Variants in VPS35 observed in about 807,000 individuals in gnomAD.
VPS35 encodes vacuolar protein sorting-associated protein 35.
A neutral mutation model predicts 98.1 loss-of-function variants in VPS35; 21 were observed. That is an observed-to-expected ratio of 0.21 (90% CI 0.15 to 0.31). VPS35 has a LOEUF of 0.31. Among genes scored for constraint, VPS35 ranks in the 10% least tolerant of loss-of-function variants. The probability of loss-of-function intolerance (pLI) is 1.00; values close to 1 mark genes in which losing one functional copy is unlikely to be tolerated. For missense variants in VPS35, 554 were observed against 950.8 expected (o/e 0.58, Z 5.49); for synonymous variants, 268 against 318.2 (o/e 0.84, Z 1.68).
chr16:46,672,436 G>A lies in VPS35; in HGVS notation c.1197C>T (p.Thr399=). 1 of 1,612,962 alleles carries A rather than the reference G, an allele frequency of 6.2e-7. No homozygotes were observed. Among genetic ancestry groups the A allele is most frequent in the South Asian group, 1.1e-5 (1 of 91,016 alleles). ...TGTCAACTGGTATTTTCAAAAGTCT[G>A]GTGAGTTCCTTTGAAACTGCACTAC... The part of the protein sequence containing the change: ...ATSSAVSKEL[T]RLLKIPVDTY... Residue 399 remains threonine (T), a synonymous_variant, in exon 11 of 17, where the codon ACC becomes ACT. Transcript: ENST00000299138.
At chr16:46,689,071 GGA>G in intron 1 of VPS35, 58 bp downstream of exon 1, 1 of 1,590,392 alleles carries the variant, frequency 6.3e-7, no homozygotes, top group South Asian at 1.1e-5. Flanking sequence ...CGGGGCGGTG[GGA>G]GAGAGCAGGG....
At chr16:46,687,301 A>G (rs983485929) in intron 1 of VPS35, among the ~76,000 whole-genome samples, 1 of 152,228 alleles carries the variant, frequency 6.6e-6, no homozygotes, top group African/African-American at 2.4e-5. Flanking sequence ...TGAAGTAGAG[A>G]GAAATAAGGA....
chr16:46,666,955 C>T (rs1442409382), intron 13 of VPS35, among the ~76,000 whole-genome samples: 1 of 152,172 alleles, frequency 6.6e-6, no homozygotes, highest in Non-Finnish European at 1.5e-5. Flanking sequence ...CTTTGAGATA[C>T]TGATTTCCTT....
In VPS35 at chr16:46,656,355, A is replaced by G. The variant is rs995983059; in HGVS notation, c.*4117T>C. 6.6e-6 allele frequency: 1 copy of G among 152,238 alleles called. No homozygotes were observed. The highest frequency in any genetic ancestry group is 1.5e-5 in the Non-Finnish European group (1 of 68,032). 9.4% of individuals were successfully genotyped at this position (152,238 alleles called of 1,614,324 possible). A position where few individuals can be genotyped will look rare whatever the true frequency, so the allele number is the denominator to read the frequency against. On this transcript the variant is annotated 3_prime_UTR_variant, in exon 17 of 17. Transcript: ENST00000299138. ...CTTGAATTGCAGAACTGAAGTTACAATTGGCACATCCTTGTTTATGGGAGG... is the reference window on the plus strand; with the variant it reads ...CTTGAATTGCAGAACTGAAGTTACAGTTGGCACATCCTTGTTTATGGGAGG...
intron 1 of VPS35, chr16:46,688,731 G>C (rs893104728): frequency 2.5e-6 from 3 of 1,183,192 alleles, no homozygotes; most frequent in Middle Eastern, 3.5e-4. Flanking sequence ...GGCGGGTCCC[G>C]GCGCCACCTC....
chr16:46,663,254 G>T, intron 13 of VPS35, 92 bp from the exon 14 acceptor site: 1 of 1,173,532 alleles, frequency 8.5e-7, no homozygotes, highest in Non-Finnish European at 1.2e-6. Context: ...ACTGTAAGTT[G>T]TGTGCACAGT....
chr16:46,670,512 T>C (rs1966053044), intron 12 of VPS35, among the ~76,000 whole-genome samples: 1 of 152,164 alleles, frequency 6.6e-6, no homozygotes, highest in African/African-American at 2.4e-5. Context: ...CCTGAACTCC[T>C]GACCTCAGGT....
intron 7 of VPS35, 117 bp downstream of exon 7, chr16:46,677,198 G>C: frequency 1.0e-6 from 1 of 976,966 alleles, no homozygotes; most frequent in South Asian, 1.4e-5. Flanking sequence ...ACCCCGCAAG[G>C]AAAACTCTTT....
At position 46,682,156 on chromosome 16, in the gene VPS35, T is replaced by C; in HGVS notation, c.122A>G (p.Asp41Gly). 1 of 1,613,428 alleles carries C rather than the reference T, an allele frequency of 6.2e-7. No homozygotes were observed. Among genetic ancestry groups the C allele is most frequent in the Non-Finnish European group, 8.5e-7 (1 of 1,179,504 alleles). The stretch of plus-strand genomic sequence containing the variant: ...CATATTAGAAGCATGTTTTAGAGCA[T>C]CCATAAGCTTGTTTTTGTCCTACAG... ...KRCLDKNKLM[D>G]ALKHASNMLG... is the part of the protein sequence containing the mutation. The change falls in exon 3 of 17, where the codon GAT becomes GGT. Residue 41 changes from aspartate to glycine, a missense_variant. Physicochemically the swap from Asp to Gly is moderately conservative, Grantham distance 94. Coordinates refer to ENST00000299138, the MANE Select transcript of VPS35 (RefSeq NM_018206.6).
At chr16:46,665,627 C>G (rs965364492) in intron 13 of VPS35, among the ~76,000 whole-genome samples, 13 of 149,612 alleles carry the variant, frequency 8.7e-5, no homozygotes, top group Admixed American at 6.6e-4. Context: ...CAGTCATAGA[C>G]CTTGGCACAG....
intron 10 of VPS35, among the ~76,000 whole-genome samples, 178 bp downstream of exon 10, chr16:46,674,136 A>C (rs1416607641): frequency 6.6e-6 from 1 of 152,200 alleles, no homozygotes; most frequent in Admixed American, 6.5e-5. Context: ...AATTTCCTTA[A>C]TATAAAAAAA....
Position 46,657,184 on chromosome 16 carries a change from T to C in VPS35, c.*3288A>G, listed in dbSNP as rs1306406796. Reference sequence around the variant, plus strand: ...CTTGGGAATTCAAGTGTATGGTAAATGTGTAGATACTGGCACCTGAATCAG... The same window carrying C: ...CTTGGGAATTCAAGTGTATGGTAAACGTGTAGATACTGGCACCTGAATCAG... On this transcript the variant is annotated 3_prime_UTR_variant, in exon 17 of 17. Coordinates refer to ENST00000299138, the MANE Select transcript of VPS35 (RefSeq NM_018206.6). 6.6e-6 allele frequency: 1 copy of C among 152,192 alleles called. No individual in the cohort carries two copies. The highest frequency in any genetic ancestry group is 6.5e-5 in the Admixed American group (1 of 15,282). 9.4% of individuals were successfully genotyped at this position (152,192 alleles called of 1,614,324 possible).
rs532712697 is a variant in VPS35, at chr16:46,667,722, C to T, written c.1647+1208G>A. On this transcript the variant is annotated intron_variant, in intron 13 of 16. Transcript: ENST00000299138. The stretch of plus-strand genomic sequence containing the variant: ...ATGGCATAAGATGAGAGTCCAAATG[C>T]GTTCTTTTGCATGTGGATATCCAAC... Among the ~76,000 whole-genome samples the T allele has an allele frequency of 2.3e-4, 35 of 152,080 alleles. No individual in the cohort carries two copies. In the East Asian group the frequency reaches 6.6e-3, roughly 29 times the overall value.
At chr16:46,670,994 C>A (rs1966059586) in intron 12 of VPS35, among the ~76,000 whole-genome samples, 1 of 151,968 alleles carries the variant, frequency 6.6e-6, no homozygotes, top group South Asian at 2.1e-4. Context: ...TGTGCTAACC[C>A]TTCACTAAAA....
At chr16:46,683,391 A>C (rs1966262067) in intron 2 of VPS35, 117 bp downstream of exon 2, 1 of 951,672 alleles carries the variant, frequency 1.1e-6, no homozygotes, top group Non-Finnish European at 1.6e-6. Flanking sequence ...CTGAAGATAG[A>C]TGCTGGTAAA....
chr16:46,660,412 T>A lies in VPS35; in HGVS notation c.*60A>T. On this transcript the variant is annotated 3_prime_UTR_variant, in exon 17 of 17. Coordinates refer to ENST00000299138, the MANE Select transcript of VPS35 (RefSeq NM_018206.6). Reference sequence around the variant, plus strand: ...AGGCACAATCTATGGAAGGGAAACCTAGCGTAATAAAACCCTCACTGGATG... The same window carrying A: ...AGGCACAATCTATGGAAGGGAAACCAAGCGTAATAAAACCCTCACTGGATG... 2 of 1,597,538 alleles carry A rather than the reference T, an allele frequency of 1.3e-6. No individual in the cohort carries two copies. The highest frequency in any genetic ancestry group is 8.5e-7 in the Non-Finnish European group (1 of 1,171,528).
Position 46,659,503 on chromosome 16 carries a change from G to GA in VPS35, c.*968dup, listed in dbSNP as rs1207887065. ...GAAAAGCAGGGTAAAGTTGAGGAAAGAAAAGGGGTATAAATGACTAAAAGA... is the reference window on the plus strand; with the variant it reads ...GAAAAGCAGGGTAAAGTTGAGGAAAGAAAAAGGGGTATAAATGACTAAAAGA... On this transcript the variant is annotated 3_prime_UTR_variant, in exon 17 of 17. Coordinates refer to ENST00000299138, the MANE Select transcript of VPS35 (RefSeq NM_018206.6). 1 of 152,218 alleles carries GA rather than the reference G, an allele frequency of 6.6e-6. No individual in the cohort carries two copies. Among genetic ancestry groups the GA allele is most frequent in the Non-Finnish European group, 1.5e-5 (1 of 68,054 alleles). 9.4% of individuals were successfully genotyped at this position (152,218 alleles called of 1,614,324 possible).
rs369413341 is a variant in VPS35, at chr16:46,678,859, T to G, written c.720+84A>C. ...TTTTAAGATGTTTTTCAATGTACTA[T>G]TGTATAACAAAAATATTCTGATTTT... On this transcript the variant is annotated intron_variant, in intron 6 of 16. Transcript: ENST00000299138. 3.5e-6 allele frequency: 5 copies of G among 1,425,456 alleles called. No individual in the cohort carries two copies. The African/African-American group carries it at 5.7e-5, about 16-fold the overall frequency. 88.3% of individuals were successfully genotyped at this position (1,425,456 alleles called of 1,614,324 possible).
chr16:46,657,758 A>G lies in VPS35; in HGVS notation c.*2714T>C, dbSNP rs555007783. The G allele has an allele frequency of 1.3e-5, 2 of 152,262 alleles. No individual in the cohort carries two copies. Among genetic ancestry groups the G allele is most frequent in the East Asian group, 3.9e-4 (2 of 5,172 alleles). 9.4% of individuals were successfully genotyped at this position (152,262 alleles called of 1,614,324 possible). ...TAGAGGCAGGAAAGGGAGGGTAGGA[A>G]AGTCTAACACGGCAGGCATCTCTCA... On this transcript the variant is annotated 3_prime_UTR_variant, in exon 17 of 17. Transcript: ENST00000299138.
Sources: gnomAD v4.1 joint callset for allele counts (sites outside exome capture counted in the v4.1 genomes callset) on GRCh38, gnomAD v4.1.1 for gene constraint, MANE v1.5 for transcripts, NCBI Gene and HGNC (gene_info 2026-07-23, HGNC 2026-07-21) for gene names.